Variants in RRAGB observed in about 807,000 individuals in gnomAD.
RRAGB encodes Ras related GTP binding B.
RRAGB carries 6 observed loss-of-function variants against 29.3 expected under a neutral mutation model. The observed-to-expected ratio is 0.21, with a 90% CI of 0.11 to 0.40. The LOEUF (loss-of-function observed/expected upper bound fraction) is 0.40. RRAGB is among the 10% of genes least tolerant of loss of function. The pLI is 1.00. For synonymous variants in RRAGB, 101 were observed against 92.5 expected (o/e 1.09, Z -0.53); for missense variants, 184 against 272.9 (o/e 0.67, Z 2.29).
intron 3 of RRAGB, among the ~76,000 whole-genome samples, chrX:55,726,759 G>C (rs769330114): frequency 9.0e-6 from 1 of 111,622 alleles, no homozygotes; most frequent in East Asian, 2.8e-4. Context: ...AGGAAGAAAG[G>C]GGGAGATGAT....
Position 55,757,252 on chromosome X carries a change from G to A in RRAGB, c.864G>A (p.Arg288=), listed in dbSNP as rs946210610. 1.2e-5 allele frequency: 14 copies of A among 1,194,082 alleles called. No homozygotes were observed. The Admixed American group carries it at 2.4e-4, about 21-fold the overall frequency. The stretch of plus-strand genomic sequence containing the variant: ...CCTCTTTCCAGAGTATGGAAGTCAG[G>A]AACTCTAACTTCGCTGCTTTCATTG... ...LAASFQSMEV[R]NSNFAAFIDI... The change falls in exon 9 of 10, where the codon AGG becomes AGA. Residue 288 remains arginine, a synonymous_variant. Transcript: ENST00000374941.
chrX:55,729,396 T>C, intron 4 of RRAGB, 36 bp downstream of exon 4: 4 of 970,375 alleles, frequency 4.1e-6, no homozygotes, highest in Non-Finnish European at 5.9e-6. Flanking sequence ...GTGAAGCCGA[T>C]GTCAGTAATC....
At chrX:55,738,657 C>T (rs2033947218) in intron 5 of RRAGB, among the ~76,000 whole-genome samples, 1 of 112,285 alleles carries the variant, frequency 8.9e-6, no homozygotes, top group Non-Finnish European at 1.9e-5. Context: ...GTTATTGTGT[C>T]AGCAGATGTT....
At chrX:55,748,817 C>T (rs1277917149) in intron 5 of RRAGB, among the ~76,000 whole-genome samples, 65 of 107,099 alleles carry the variant, frequency 6.1e-4, no homozygotes, top group South Asian at 1.3e-3. Context: ...CCAGCTGCCC[C>T]GTCCGGGAGG....
At position 55,751,024 on chromosome X, in the gene RRAGB, T is replaced by G. The variant is rs928043216; in HGVS notation, c.517-77T>G. The G allele has an allele frequency of 8.3e-6, 5 of 602,374 alleles. No homozygotes were observed. In the African/African-American group the frequency reaches 1.1e-4, roughly 14 times the overall value. 49.6% of individuals were successfully genotyped at this position (602,374 alleles called of 1,213,427 possible). A position where few individuals can be genotyped will look rare whatever the true frequency, so the allele number is the denominator to read the frequency against. On this transcript the variant is annotated intron_variant, in intron 5 of 9. Coordinates refer to ENST00000374941, the MANE Select transcript of RRAGB (RefSeq NM_006064.5). ...GGAACAAAAGCTCCTGGTTAAAATA[T>G]GATAAAATAACTACATCTTAGCTTG...
intron 1 of RRAGB, 150 bp from the exon 2 acceptor site, chrX:55,719,164 C>T: frequency 2.3e-6 from 1 of 439,780 alleles, no homozygotes; most frequent in Non-Finnish European, 3.8e-6. Flanking sequence ...AAAATGGGAC[C>T]TCTATTCATC....
intron 1 of RRAGB, among the ~76,000 whole-genome samples, chrX:55,719,020 T>G (rs1487785499): frequency 3.6e-5 from 4 of 112,253 alleles, no homozygotes; most frequent in Non-Finnish European, 7.5e-5. Context: ...CTGTGTTGCT[T>G]TGATTAAGAT....
At chrX:55,745,555 C>T (rs2034216570) in intron 5 of RRAGB, among the ~76,000 whole-genome samples, 1 of 112,583 alleles carries the variant, frequency 8.9e-6, no homozygotes, top group South Asian at 3.7e-4. Context: ...CATCTTTCTT[C>T]TACACAGGCT....
chrX:55,718,179 A>C lies in RRAGB; in HGVS notation c.-149A>C. 2.7e-6 allele frequency: 1 copy of C among 371,460 alleles called. No homozygotes were observed. Among genetic ancestry groups the C allele is most frequent in the Non-Finnish European group, 4.5e-6 (1 of 219,864 alleles). 30.6% of individuals were successfully genotyped at this position (371,460 alleles called of 1,213,427 possible). A position where few individuals can be genotyped will look rare whatever the true frequency, so the allele number is the denominator to read the frequency against. On this transcript the variant is annotated 5_prime_UTR_variant, in exon 1 of 10. Transcript: ENST00000374941. ...TGGGGAAAGCGGCCCCCCAGTGGAC[A>C]AAGGCGGAGGCAAGAATAGAGCAGG...
chrX:55,728,745 A>G (rs1241772243), intron 3 of RRAGB, among the ~76,000 whole-genome samples: 1 of 110,768 alleles, frequency 9.0e-6, no homozygotes, highest in South Asian at 3.9e-4. Flanking sequence ...GGGCTTCCTT[A>G]ATGTTTGTGG....
intron 5 of RRAGB, among the ~76,000 whole-genome samples, chrX:55,732,837 T>C (rs1438436396): frequency 8.9e-6 from 1 of 111,927 alleles, no homozygotes; most frequent in Non-Finnish European, 1.9e-5. Context: ...TCGTTTCCTT[T>C]AAAAATCACT....
intron 7 of RRAGB, among the ~76,000 whole-genome samples, chrX:55,754,045 C>CA (rs912152898): frequency 9.2e-5 from 10 of 108,870 alleles, no homozygotes; most frequent in Non-Finnish European, 1.7e-4. Flanking sequence ...AACTCCATCT[C>CA]AAAAAAAAAG....
chrX:55,725,100 A>C (rs2033431365), intron 3 of RRAGB, among the ~76,000 whole-genome samples: 4 of 112,352 alleles, frequency 3.6e-5, no homozygotes, highest in African/African-American at 1.3e-4. Flanking sequence ...TGCTTGAAAT[A>C]GTTTTGACAT....
intron 5 of RRAGB, among the ~76,000 whole-genome samples, chrX:55,731,994 C>T (rs145402108): frequency 1.6e-3 from 179 of 111,979 alleles, no homozygotes; most frequent in African/African-American, 5.5e-3. Context: ...AAGTGCTAAC[C>T]ACAGTGTGTT....
intron 5 of RRAGB, among the ~76,000 whole-genome samples, chrX:55,749,095 C>T (rs1457001949): frequency 9.1e-5 from 9 of 98,517 alleles, no homozygotes; most frequent in African/African-American, 3.0e-4. Flanking sequence ...GCCGCCTCGT[C>T]CGGGAGGTGA....
At chrX:55,730,444 G>A (rs760759196) in intron 4 of RRAGB, among the ~76,000 whole-genome samples, 53 of 111,996 alleles carry the variant, frequency 4.7e-4, no homozygotes, top group Non-Finnish European at 7.7e-4. Flanking sequence ...GGTCCAGGGA[G>A]ATTATCATTC....
chrX:55,723,190 G>A (rs1378325437), intron 3 of RRAGB, among the ~76,000 whole-genome samples: 2 of 110,693 alleles, frequency 1.8e-5, no homozygotes, highest in African/African-American at 3.3e-5. Context: ...GGAGTCTTGC[G>A]CTCTGTTGCC....
At chrX:55,724,639 T>C in intron 3 of RRAGB, among the ~76,000 whole-genome samples, 1 of 111,336 alleles carries the variant, frequency 9.0e-6, no homozygotes, top group East Asian at 2.8e-4. Flanking sequence ...GATTAAAACT[T>C]TTTTTTTCTT....
chrX:55,748,682 C>T (rs1440364118), intron 5 of RRAGB, among the ~76,000 whole-genome samples: 1 of 110,879 alleles, frequency 9.0e-6, no homozygotes, highest in African/African-American at 3.3e-5. Flanking sequence ...CCAGCCACCC[C>T]GTCTGGGAAG....
Sources: allele counts gnomAD v4.1 joint callset (sites outside exome capture counted in the v4.1 genomes callset), GRCh38; gene constraint gnomAD v4.1.1; transcripts MANE v1.5; gene names NCBI Gene and HGNC (gene_info 2026-07-23, HGNC 2026-07-21).